PDS5A: variants seen among roughly 807,000 people sequenced by gnomAD.
PDS5A encodes the protein PDS5 cohesin associated factor A, also known as sister chromatid cohesion protein PDS5 homolog A.
Under a neutral mutation model 167.1 loss-of-function variants are expected in PDS5A, and 42 were observed. The observed-to-expected ratio is 0.25, with a 90% CI of 0.20 to 0.33. The LOEUF (loss-of-function observed/expected upper bound fraction) is 0.33, where lower values mean the gene tolerates loss of function less well. Among genes scored for constraint, PDS5A ranks in the 10% least tolerant of loss-of-function variants. The probability of loss-of-function intolerance (pLI) is 1.00; values close to 1 mark genes in which losing one functional copy is unlikely to be tolerated. For synonymous variants in PDS5A, 553 were observed against 554.6 expected (o/e 1.00, Z 0.04); for missense variants, 1,033 against 1,605.9 (o/e 0.64, Z 6.10).
chr4:39,829,658 A>G (rs930012485), intron 32 of PDS5A, among the ~76,000 whole-genome samples: 1 of 151,188 alleles, frequency 6.6e-6, no homozygotes, highest in Non-Finnish European at 1.5e-5. Flanking sequence ...ACAAAAAAAA[A>G]AAAAAATTTC....
In PDS5A at chr4:39,976,538, A is replaced by G. The variant is rs1731102623; in HGVS notation, c.40T>C (p.Cys14Arg). The change falls in exon 2 of 33, where the codon TGT becomes CGT. Residue 14 changes from cysteine (C) to arginine (R), a missense_variant. Transcript: ENST00000303538. ...TTCCCGTCGGCACTCACGACGCCAC[A>G]GAGGGCAGTGGCAGGCTTGGGCTGC... ...TAQPKPATAL[C>R]GVVSADGKIA... 6.2e-7 allele frequency: 1 copy of G among 1,613,294 alleles called. No individual in the cohort carries two copies. The highest frequency in any genetic ancestry group is 1.3e-5 in the African/African-American group (1 of 75,046).
Position 39,977,029 on chromosome 4 carries a change from G to A in PDS5A, c.-40-412C>T, listed in dbSNP as rs1479081650. Among the ~76,000 whole-genome samples, 2 of 152,158 alleles carry A rather than the reference G, an allele frequency of 1.3e-5. No homozygotes were observed. Among genetic ancestry groups the A allele is most frequent in the East Asian group, 1.9e-4 (1 of 5,168 alleles). On this transcript the variant is annotated intron_variant, in intron 1 of 32. Coordinates refer to ENST00000303538, the MANE Select transcript of PDS5A (RefSeq NM_001100399.2). This position sits in a 1 kb window ranked among gnomAD's most constrained non-coding sequence, Gnocchi z 4.2. The stretch of plus-strand genomic sequence containing the variant: ...GGAAACCAGACCCGAGGCCTATAGG[G>A]CTCGGCTTAGGCCGCAAAACTAGGG...
intron 22 of PDS5A, among the ~76,000 whole-genome samples, chr4:39,869,092 A>G (rs28612259): frequency 0.32 from 48,565 of 152,122 alleles, 8,485 homozygotes; most frequent in Middle Eastern, 0.45. Flanking sequence ...GACAACCACA[A>G]TGTCTTCAAT....
Position 39,822,917 on chromosome 4 carries a change from G to A in PDS5A, c.*2568C>T, listed in dbSNP as rs1406384213. Reference sequence around the variant, plus strand: ...ACAGTGCATATTTTTAGCATTTTATGGTAGGATTTTACACTTGTCATTTAC... The same window carrying A: ...ACAGTGCATATTTTTAGCATTTTATAGTAGGATTTTACACTTGTCATTTAC... On this transcript the variant is annotated 3_prime_UTR_variant, in exon 33 of 33. Coordinates refer to ENST00000303538, the MANE Select transcript of PDS5A (RefSeq NM_001100399.2). 6.6e-6 allele frequency: 1 copy of A among 152,434 alleles called. No individual in the cohort carries two copies. Among genetic ancestry groups the A allele is most frequent in the Non-Finnish European group, 1.5e-5 (1 of 68,004 alleles). The allele number at this position is 152,434 out of a possible 1,614,324, so 9.4% of individuals were successfully genotyped here.
At chr4:39,925,111 CA>C (rs202114480) in intron 5 of PDS5A, among the ~76,000 whole-genome samples, 9 of 149,470 alleles carry the variant, frequency 6.0e-5, no homozygotes, top group African/African-American at 2.2e-4. Context: ...GACACTGTCT[CA>C]AAAAAAACAA....
chr4:39,923,003 C>G (rs540119989), intron 5 of PDS5A, among the ~76,000 whole-genome samples: 5 of 152,122 alleles, frequency 3.3e-5, no homozygotes, highest in Non-Finnish European at 5.9e-5. Flanking sequence ...TTCTAATAAA[C>G]TACATTTTCT....
chr4:39,884,812 G>A (rs2109603286), intron 17 of PDS5A, among the ~76,000 whole-genome samples: 1 of 152,184 alleles, frequency 6.6e-6, no homozygotes, highest in East Asian at 1.9e-4. Flanking sequence ...ACTTTCACCT[G>A]GGTTCCAGCC....
chr4:39,853,760 A>G (rs1432448169), intron 26 of PDS5A, among the ~76,000 whole-genome samples: 5 of 152,082 alleles, frequency 3.3e-5, no homozygotes, highest in African/African-American at 9.7e-5. Flanking sequence ...TTCCTCCCCA[A>G]TTCATAGCCA....
chr4:39,973,214 T>C (rs1262294167), intron 2 of PDS5A: 5 of 1,299,544 alleles, frequency 3.8e-6, no homozygotes, highest in East Asian at 2.3e-5. Context: ...GCTAGCTTCA[T>C]GAACCTTAGA....
At chr4:39,847,019 G>A (rs1717661298) in intron 28 of PDS5A, 1 of 152,024 alleles carries the variant, frequency 6.6e-6, no homozygotes, top group African/African-American at 2.4e-5. Context: ...GTGTTCTAGG[G>A]TTTATGAATT....
rs903378131 is a variant in PDS5A, at chr4:39,898,881, C to T, written c.1582-56G>A. 50 of 1,176,702 alleles carry T rather than the reference C, an allele frequency of 4.2e-5. No homozygotes were observed. The East Asian group carries it at 1.2e-3, about 28-fold the overall frequency. The allele number at this position is 1,176,702 out of a possible 1,614,324, so 72.9% of individuals were successfully genotyped here. ...CTAGTCATATGTGTTAACAAATTTC[C>T]CTAACAAAAATCAATACTCATTACT... On this transcript the variant is annotated intron_variant, in intron 14 of 32. Coordinates refer to ENST00000303538, the MANE Select transcript of PDS5A (RefSeq NM_001100399.2).
chr4:39,954,132 G>C (rs530543326), intron 2 of PDS5A, among the ~76,000 whole-genome samples: 3 of 152,090 alleles, frequency 2.0e-5, no homozygotes, highest in African/African-American at 7.2e-5. Flanking sequence ...CTAGAGCCTA[G>C]GAGTTTGACA....
chr4:39,898,456 T>G lies in PDS5A; in HGVS notation c.1703A>C (p.Lys568Thr). The G allele has an allele frequency of 6.2e-7, 1 of 1,601,508 alleles. No homozygotes were observed. Among genetic ancestry groups the G allele is most frequent in the Non-Finnish European group, 8.5e-7 (1 of 1,173,520 alleles). ...KFNQVLGDDE[K>T]LRSQLELLIS... ...TAATAACTCCAACTGAGACCGAAGT[T>G]TCTCATCATCGCCGAGAACCTGGTT... Residue 568 changes from lysine to threonine, a missense_variant, in exon 16 of 33, where the codon AAA (lysine) becomes ACA (threonine). Coordinates refer to ENST00000303538, the MANE Select transcript of PDS5A (RefSeq NM_001100399.2).
At chr4:39,889,867 C>G (rs1578677872) in intron 17 of PDS5A, among the ~76,000 whole-genome samples, 1 of 152,208 alleles carries the variant, frequency 6.6e-6, no homozygotes, top group Admixed American at 6.5e-5. Flanking sequence ...TGTTCTCACA[C>G]ATCAAATGAA....
chr4:39,860,218 C>T (rs1470974846), intron 26 of PDS5A, among the ~76,000 whole-genome samples: 8 of 152,114 alleles, frequency 5.3e-5, no homozygotes, highest in African/African-American at 2.4e-5. Context: ...AATCCCAGCA[C>T]TTCGGAAGGC....
At chr4:39,855,937 A>C (rs893512005) in intron 26 of PDS5A, among the ~76,000 whole-genome samples, 1 of 152,202 alleles carries the variant, frequency 6.6e-6, no homozygotes, top group Admixed American at 6.5e-5. Context: ...ATGGTCAAAA[A>C]CTTGCAAATT....
intron 26 of PDS5A, among the ~76,000 whole-genome samples, chr4:39,859,200 A>G (rs1275263414): frequency 6.6e-6 from 1 of 152,238 alleles, no homozygotes; most frequent in Non-Finnish European, 1.5e-5. Flanking sequence ...TATTTACCAC[A>G]ATTAACAAAA....
At chr4:39,906,460 T>C (rs1267184343) in intron 11 of PDS5A, among the ~76,000 whole-genome samples, 1 of 151,912 alleles carries the variant, frequency 6.6e-6, no homozygotes, top group African/African-American at 2.4e-5. Flanking sequence ...TGGCAGAAGA[T>C]TCTTTGGGAC....
chr4:39,927,858 A>T, intron 3 of PDS5A, 103 bp downstream of exon 3: 1 of 758,640 alleles, frequency 1.3e-6, no homozygotes, highest in Non-Finnish European at 2.1e-6. Flanking sequence ...TGAAGAGACT[A>T]ATATGAAACC....
Sources: allele counts gnomAD v4.1 joint callset (sites outside exome capture counted in the v4.1 genomes callset), GRCh38; gene constraint gnomAD v4.1.1; non-coding constraint Gnocchi (gnomAD v3.1); transcripts MANE v1.5; gene names NCBI Gene and HGNC (gene_info 2026-07-23, HGNC 2026-07-21).